The following EPSTI1 variants were observed in gnomAD, a reference collection of about 807,000 sequenced individuals.
EPSTI1 encodes the protein epithelial stromal interaction 1.
EPSTI1 carries 66 observed loss-of-function variants against 49.9 expected under a neutral mutation model. The ratio of observed to expected loss-of-function variants is 1.32; its 90% CI spans 1.08 to 1.62. EPSTI1 has a LOEUF of 1.62. EPSTI1 is among the 40% of genes most tolerant of loss of function. EPSTI1 has a pLI of 0.00. For missense variants in EPSTI1, 394 were observed against 365.5 expected (o/e 1.08, Z -0.64); for synonymous variants, 137 against 130.7 (o/e 1.05, Z -0.33).
intron 8 of EPSTI1, among the ~76,000 whole-genome samples, chr13:42,915,759 T>C (rs1049376959): frequency 1.3e-5 from 2 of 152,190 alleles, no homozygotes; most frequent in Non-Finnish European, 2.9e-5. Context: ...AATAAAAATA[T>C]GTTCAATCAG....
chr13:42,941,642 T>G (rs538818049), intron 6 of EPSTI1, among the ~76,000 whole-genome samples: 4 of 150,768 alleles, frequency 2.7e-5, no homozygotes, highest in South Asian at 4.2e-4. Context: ...GAAAAAAAAT[T>G]TTTTAAGTAA....
chr13:42,939,723 A>G (rs1032444544), intron 6 of EPSTI1, among the ~76,000 whole-genome samples: 1 of 152,250 alleles, frequency 6.6e-6, no homozygotes, highest in Non-Finnish European at 1.5e-5. Flanking sequence ...AAAGTCTGAA[A>G]TATTGTACAG....
At chr13:42,894,862 C>T (rs1279778190) in intron 10 of EPSTI1, 147 bp downstream of exon 10, 7 of 624,910 alleles carry the variant, frequency 1.1e-5, no homozygotes, top group East Asian at 3.2e-5. Flanking sequence ...TACAGTAATC[C>T]CCCTGGCTGA....
chr13:42,986,821 T>TA (rs1315988847), intron 1 of EPSTI1, among the ~76,000 whole-genome samples: 1 of 151,256 alleles, frequency 6.6e-6, no homozygotes, highest in East Asian at 1.9e-4. Context: ...GGCTGGAGAT[T>TA]TAATCACCAA....
At chr13:42,946,593 C>G (rs2038925145) in intron 6 of EPSTI1, among the ~76,000 whole-genome samples, 1 of 152,186 alleles carries the variant, frequency 6.6e-6, no homozygotes, top group Non-Finnish European at 1.5e-5. Context: ...CATTTCCTCT[C>G]TTTACTTTTG....
At chr13:42,989,569 T>TTTTTTTTTC (rs1243427522) in intron 1 of EPSTI1, among the ~76,000 whole-genome samples, 2 of 122,946 alleles carry the variant, frequency 1.6e-5, no homozygotes, top group African/African-American at 2.8e-5. Context: ...TCTTTTTTCT[T>TTTTTTTTTC]TTTTTTTTTT....
chr13:42,982,795 A>C (rs1176609821), intron 1 of EPSTI1, among the ~76,000 whole-genome samples: 1 of 152,176 alleles, frequency 6.6e-6, no homozygotes, highest in African/African-American at 2.4e-5. Context: ...GCAAGCCATA[A>C]AAAATTTCTC....
chr13:42,946,188 G>A (rs1230225898), intron 6 of EPSTI1, among the ~76,000 whole-genome samples: 1 of 152,140 alleles, frequency 6.6e-6, no homozygotes, highest in East Asian at 1.9e-4. Flanking sequence ...AGCTCTAGGA[G>A]ACTAAAATAG....
chr13:42,969,925 C>T (rs1281744547), intron 2 of EPSTI1: 1 of 152,206 alleles, frequency 6.6e-6, no homozygotes, highest in Non-Finnish European at 1.5e-5. Flanking sequence ...AAATCAAAAG[C>T]TTGTAAGATA....
At chr13:42,988,411 A>G (rs1262683992) in intron 1 of EPSTI1, among the ~76,000 whole-genome samples, 1 of 152,230 alleles carries the variant, frequency 6.6e-6, no homozygotes, top group African/African-American at 2.4e-5. Context: ...GTAAATACTT[A>G]TAATAACTTA....
intron 7 of EPSTI1, chr13:42,919,409 T>C: frequency 7.8e-7 from 1 of 1,280,362 alleles, no homozygotes; most frequent in Middle Eastern, 1.9e-4. Context: ...TCTAAGTCAC[T>C]GTATTCACAT....
At chr13:42,919,610 C>T (rs927456476) in intron 7 of EPSTI1, among the ~76,000 whole-genome samples, 12 of 152,130 alleles carry the variant, frequency 7.9e-5, no homozygotes, top group Admixed American at 3.9e-4. Flanking sequence ...GCATTTACAG[C>T]TTAGTGTGAA....
intron 8 of EPSTI1, among the ~76,000 whole-genome samples, chr13:42,913,195 C>T (rs1442756366): frequency 1.3e-5 from 2 of 151,562 alleles, no homozygotes; most frequent in Admixed American, 6.6e-5. Context: ...AGTAAGAATA[C>T]AAATACATGC....
chr13:42,894,631 A>C (rs2037132949), intron 10 of EPSTI1, among the ~76,000 whole-genome samples: 1 of 151,838 alleles, frequency 6.6e-6, no homozygotes, highest in Non-Finnish European at 1.5e-5. Flanking sequence ...GACTGAAAGA[A>C]TATATTACTA....
intron 1 of EPSTI1, among the ~76,000 whole-genome samples, chr13:42,990,184 A>G (rs1227945974): frequency 1.3e-5 from 2 of 152,074 alleles, no homozygotes; most frequent in African/African-American, 2.4e-5. Context: ...GGAAAAAAAA[A>G]AAAAAAAAGG....
intron 5 of EPSTI1, among the ~76,000 whole-genome samples, 168 bp from the exon 6 acceptor site, chr13:42,954,189 C>T (rs552545140): frequency 4.6e-5 from 7 of 152,358 alleles, no homozygotes; most frequent in African/African-American, 1.7e-4. Context: ...CCCATGGGCA[C>T]TGCACTGAAA....
intron 3 of EPSTI1, among the ~76,000 whole-genome samples, chr13:42,964,865 C>T (rs1435212767): frequency 6.6e-6 from 1 of 152,158 alleles, no homozygotes; most frequent in Non-Finnish European, 1.5e-5. Flanking sequence ...TTTATGCAAG[C>T]TTGGTGTGCG....
chr13:42,987,874 T>C (rs1329189686), intron 1 of EPSTI1, among the ~76,000 whole-genome samples: 1 of 152,178 alleles, frequency 6.6e-6, no homozygotes, highest in Non-Finnish European at 1.5e-5. Context: ...GTATACATAG[T>C]GTGCATTTAC....
intron 1 of EPSTI1, among the ~76,000 whole-genome samples, chr13:42,982,434 C>T (rs888619656): frequency 1.3e-5 from 2 of 152,234 alleles, no homozygotes; most frequent in African/African-American, 4.8e-5. Flanking sequence ...GGAGTAGTCA[C>T]TCTTTATTCC....
Sources: allele counts gnomAD v4.1 joint callset (sites outside exome capture counted in the v4.1 genomes callset), GRCh38; gene constraint gnomAD v4.1.1; transcripts MANE v1.5; gene names NCBI Gene and HGNC (gene_info 2026-07-23, HGNC 2026-07-21).